The following KIF26B variants were observed in gnomAD, a reference collection of about 807,000 sequenced individuals.
KIF26B encodes the protein kinesin-like protein KIF26B.
KIF26B carries 63 observed loss-of-function variants against 151.2 expected under a neutral mutation model. The observed-to-expected ratio is 0.42, with a 90% CI of 0.34 to 0.51. KIF26B has a LOEUF of 0.51. Ranked by LOEUF, KIF26B falls within the 20% of genes least tolerant of loss-of-function variation. The pLI is 0.07. For synonymous variants in KIF26B, 1,357 were observed against 1,262.1 expected (o/e 1.08, Z -1.59); for missense variants, 2,813 against 2,913.6 (o/e 0.97, Z 0.79).
At chr1:245,315,558 C>T (rs535038874) in intron 2 of KIF26B, among the ~76,000 whole-genome samples, 12 of 151,930 alleles carry the variant, frequency 7.9e-5, no homozygotes, top group Non-Finnish European at 1.2e-4. Context: ...CCCGTCTCTA[C>T]TAAAAATACA....
intron 4 of KIF26B, among the ~76,000 whole-genome samples, chr1:245,457,833 C>T (rs953961717): frequency 1.3e-5 from 2 of 152,180 alleles, no homozygotes; most frequent in African/African-American, 4.8e-5. Flanking sequence ...GTATTTTGCT[C>T]TTGCAAATGT....
intron 4 of KIF26B, among the ~76,000 whole-genome samples, chr1:245,498,023 T>C (rs751759070): frequency 6.6e-6 from 1 of 152,230 alleles, no homozygotes; most frequent in African/African-American, 2.4e-5. Flanking sequence ...ATTTATTCTA[T>C]CATATTATCA....
chr1:245,318,672 G>A lies in KIF26B; in HGVS notation c.466-48162G>A, dbSNP rs553063440. On this transcript the variant is annotated intron_variant, in intron 2 of 14. Transcript: ENST00000407071. The surrounding 1 kb of genome is among the most constrained non-coding windows in gnomAD (Gnocchi z 4.0). ...GGGAGACTCTGGCATATGCATCAGA[G>A]TTCCAGAGTGAAAGGTGGCTCTGAA... 3.3e-5 allele frequency among the ~76,000 whole-genome samples: 5 copies of A among 152,244 alleles called. No homozygotes were observed. Among genetic ancestry groups the A allele is most frequent in the African/African-American group, 1.2e-4 (5 of 41,536 alleles).
rs1467203295 is a variant in KIF26B, at chr1:245,156,310, C to T, written c.92C>T (p.Pro31Leu). The T allele has an allele frequency of 6.5e-7, 1 of 1,547,536 alleles. No homozygotes were observed. The highest frequency in any genetic ancestry group is 1.4e-5 in the African/African-American group (1 of 72,532). ...AATGAAGTCTGCTCGCCCACCAAGC[C>T]CGCAGCGCCCTTCTCCCCGGAAAGC... is the stretch of plus-strand genomic sequence containing the variant. ...GVNEVCSPTK[P>L]AAPFSPESWY... The change falls in exon 2 of 15, where the codon CCC becomes CTC. Residue 31 changes from proline (P) to leucine (L), a missense_variant. Pro to Leu is a moderately conservative substitution (Grantham distance 98, BLOSUM62 -3). Around this residue, in one of 3 missense-constraint regions of KIF26B, gnomAD observed 676 missense variants for 688.1 expected, o/e 0.98. Transcript: ENST00000407071.
intron 4 of KIF26B, among the ~76,000 whole-genome samples, chr1:245,497,441 CT>C (rs901053125): frequency 7.3e-5 from 11 of 151,182 alleles, no homozygotes; most frequent in Middle Eastern, 3.4e-3. Flanking sequence ...ATTCAGAGTA[CT>C]TTTTTTTTGA....
chr1:245,498,756 GC>G (rs376184583), intron 4 of KIF26B, among the ~76,000 whole-genome samples: 66 of 152,260 alleles, frequency 4.3e-4, no homozygotes, highest in African/African-American at 1.5e-3. Context: ...TCCACCCACT[GC>G]CCTCCTGGGT....
intron 2 of KIF26B, among the ~76,000 whole-genome samples, chr1:245,271,485 C>A (rs933777242): frequency 6.6e-6 from 1 of 150,750 alleles, no homozygotes; most frequent in Non-Finnish European, 1.5e-5. Flanking sequence ...AGGATGTTGA[C>A]TTTTCATATA....
intron 3 of KIF26B, among the ~76,000 whole-genome samples, chr1:245,388,043 C>T (rs1418269636): frequency 1.3e-5 from 2 of 152,178 alleles, no homozygotes; most frequent in Admixed American, 6.5e-5. Flanking sequence ...GGCAGAGTTG[C>T]GACCTCTCTC....
chr1:245,440,451 C>G (rs973575422), intron 4 of KIF26B, among the ~76,000 whole-genome samples: 1 of 152,116 alleles, frequency 6.6e-6, no homozygotes, highest in African/African-American at 2.4e-5. Context: ...TAGGGAACAA[C>G]AAAACAAGCT....
chr1:245,238,956 CT>C (rs1670163689), intron 2 of KIF26B, among the ~76,000 whole-genome samples: 1 of 152,308 alleles, frequency 6.6e-6, no homozygotes, highest in African/African-American at 2.4e-5. Context: ...TCTACACTTC[CT>C]TCTGGGTGTT....
intron 2 of KIF26B, among the ~76,000 whole-genome samples, chr1:245,303,094 TACTTGTAAC>T (rs1671461942): frequency 6.6e-6 from 1 of 151,372 alleles, no homozygotes; most frequent in African/African-American, 2.4e-5. Flanking sequence ...TTCTCAGTCC[TACTTGTAAC>T]ACATCCACTG....
chr1:245,188,646 A>G (rs1220034800), intron 2 of KIF26B, among the ~76,000 whole-genome samples: 1 of 152,252 alleles, frequency 6.6e-6, no homozygotes, highest in African/African-American at 2.4e-5. Flanking sequence ...GCTTTGGAAA[A>G]TGATACGACA....
At chr1:245,195,711 A>G (rs1418998507) in intron 2 of KIF26B, among the ~76,000 whole-genome samples, 1 of 152,210 alleles carries the variant, frequency 6.6e-6, no homozygotes, top group African/African-American at 2.4e-5. Flanking sequence ...TTTTCCGCCA[A>G]ACACCGAAAG....
chr1:245,702,861 C>T lies in KIF26B; in HGVS notation c.*255C>T. 1 of 413,714 alleles carries T rather than the reference C, an allele frequency of 2.4e-6. No individual in the cohort carries two copies. Among genetic ancestry groups the T allele is most frequent in the Non-Finnish European group, 4.3e-6 (1 of 233,412 alleles). 25.6% of individuals were successfully genotyped at this position (413,714 alleles called of 1,614,324 possible). A position where few individuals can be genotyped will look rare whatever the true frequency, so the allele number is the denominator to read the frequency against. Reference sequence around the variant, plus strand: ...TCCAAGCCCTGTGAGACTGAAAAAGCACTTTGAGGAACCTTAAAGACCTTG... The same window carrying T: ...TCCAAGCCCTGTGAGACTGAAAAAGTACTTTGAGGAACCTTAAAGACCTTG... On this transcript the variant is annotated 3_prime_UTR_variant, in exon 15 of 15. Transcript: ENST00000407071. The surrounding 1 kb of genome is among the most constrained non-coding windows in gnomAD (Gnocchi z 4.1).
intron 2 of KIF26B, among the ~76,000 whole-genome samples, chr1:245,222,282 C>G (rs893098080): frequency 2.0e-5 from 3 of 152,028 alleles, no homozygotes. Context: ...ACTAAAAATA[C>G]AAAAATTAGC....
chr1:245,620,164 C>T (rs186581881), intron 9 of KIF26B, among the ~76,000 whole-genome samples: 9 of 152,078 alleles, frequency 5.9e-5, no homozygotes, highest in Admixed American at 2.0e-4. Context: ...TATTTTTATT[C>T]ATTGATCTTA....
At chr1:245,556,145 C>T (rs1662019594) in intron 5 of KIF26B, among the ~76,000 whole-genome samples, 1 of 152,200 alleles carries the variant, frequency 6.6e-6, no homozygotes, top group African/African-American at 2.4e-5. Flanking sequence ...TATGCTATGA[C>T]CTGCTTCCTC....
At chr1:245,157,382 A>G (rs1174549291) in intron 2 of KIF26B, among the ~76,000 whole-genome samples, 1 of 152,224 alleles carries the variant, frequency 6.6e-6, no homozygotes, top group Non-Finnish European at 1.5e-5. Context: ...AAATGATCAT[A>G]TTTACTCGGC....
chr1:245,616,895 A>G (rs2043596973), intron 9 of KIF26B, among the ~76,000 whole-genome samples: 2 of 152,166 alleles, frequency 1.3e-5, no homozygotes, highest in Admixed American at 6.5e-5. Context: ...CATGCAAGCA[A>G]CTGTTGCTCA....
Sources: allele counts gnomAD v4.1 joint callset (sites outside exome capture counted in the v4.1 genomes callset), GRCh38; gene constraint gnomAD v4.1.1; regional missense constraint gnomAD v4.1.1; non-coding constraint Gnocchi (gnomAD v3.1); transcripts MANE v1.5; gene names NCBI Gene and HGNC (gene_info 2026-07-23, HGNC 2026-07-21).